Variants in ALB observed in about 807,000 individuals in gnomAD.
ALB encodes the protein albumin.
A neutral mutation model predicts 74.5 loss-of-function variants in ALB; 37 were observed. The observed-to-expected ratio is 0.50, with a 90% CI of 0.38 to 0.65. The LOEUF is 0.65. Ranked by LOEUF, ALB falls within the 30% of genes least tolerant of loss-of-function variation. The pLI is 0.00. For missense variants in ALB, 685 were observed against 718.7 expected (o/e 0.95, Z 0.54); for synonymous variants, 249 against 251.6 (o/e 0.99, Z 0.10).
At chr4:73,406,595 A>T (rs1250149024) in intron 2 of ALB, 34 bp from the exon 3 acceptor site, 3 of 1,610,512 alleles carry the variant, frequency 1.9e-6, no homozygotes, top group Non-Finnish European at 2.5e-6. Flanking sequence ...TTAAAGTTTT[A>T]TTATACTACA....
In ALB at chr4:73,412,064, A is replaced by C; in HGVS notation, c.782A>C (p.Asp261Ala). Residue 261 changes from aspartate (D) to alanine (A), a missense_variant, in exon 7 of 15, where the codon GAT (aspartate) becomes GCT (alanine). Transcript: ENST00000295897. ...GCAGAAGTTTCCAAGTTAGTGACAG[A>C]TCTTACCAAAGTCCACACGGAATGC... ...EFAEVSKLVT[D>A]LTKVHTECCH... 1 of 1,614,166 alleles carries C rather than the reference A, an allele frequency of 6.2e-7. No homozygotes were observed. Among genetic ancestry groups the C allele is most frequent in the South Asian group, 1.1e-5 (1 of 91,086 alleles).
intron 2 of ALB, 54 bp from the exon 3 acceptor site, chr4:73,406,575 C>T (rs1718734807): frequency 6.4e-7 from 1 of 1,567,834 alleles, no homozygotes; most frequent in Non-Finnish European, 8.8e-7. Flanking sequence ...GCGTAGCAAC[C>T]TGTTACATAT....
At chr4:73,418,692 G>A (rs1224882928) in intron 12 of ALB, among the ~76,000 whole-genome samples, 1 of 152,128 alleles carries the variant, frequency 6.6e-6, no homozygotes, top group Non-Finnish European at 1.5e-5. Flanking sequence ...CCCTATGGTG[G>A]CCCCACACAT....
intron 3 of ALB, among the ~76,000 whole-genome samples, chr4:73,407,007 G>T (rs1718746925): frequency 6.6e-6 from 1 of 151,994 alleles, no homozygotes; most frequent in South Asian, 2.1e-4. Flanking sequence ...TATTTAAATG[G>T]CAATTTGTCA....
chr4:73,420,169 T>A, intron 13 of ALB, 85 bp from the exon 14 acceptor site: 1 of 1,222,304 alleles, frequency 8.2e-7, no homozygotes, highest in Non-Finnish European at 1.2e-6. Context: ...CACTTTGCAA[T>A]CATCAATAGC....
At position 73,420,249 on chromosome 4, in the gene ALB, T is replaced by A; in HGVS notation, c.1786-5T>A. 1 of 1,612,056 alleles carries A rather than the reference T, an allele frequency of 6.2e-7. No individual in the cohort carries two copies. ...TCCTAACATCTGTCATGTCTTTGTGTTCAGGGTAAAAAACTTGTTGCTGCA... is the reference window on the plus strand; with the variant it reads ...TCCTAACATCTGTCATGTCTTTGTGATCAGGGTAAAAAACTTGTTGCTGCA... On this transcript the variant is annotated splice_polypyrimidine_tract_variant and splice_region_variant and intron_variant, in intron 13 of 14. Coordinates refer to ENST00000295897, the MANE Select transcript of ALB (RefSeq NM_000477.7).
At chr4:73,413,735 G>C (rs1718940051) in intron 8 of ALB, 101 bp downstream of exon 8, 3 of 1,159,014 alleles carry the variant, frequency 2.6e-6, no homozygotes, top group Middle Eastern at 2.2e-4. Context: ...TTTCCCTGCT[G>C]CCCAGAATGT....
chr4:73,419,514 G>A lies in ALB; in HGVS notation c.1660G>A (p.Val554Ile). Residue 554 changes from valine (V) to isoleucine (I), a missense_variant, in exon 13 of 15, where the codon GTT (valine) becomes ATT (isoleucine). Transcript: ENST00000295897. The part of the protein sequence containing the change: ...ERQIKKQTAL[V>I]ELVKHKPKAT... ...TTTTCCATTCAAACTCAGTGCACTT[G>A]TTGAGCTCGTGAAACACAAGCCCAA... 6.2e-7 allele frequency: 1 copy of A among 1,609,854 alleles called. No homozygotes were observed. Among genetic ancestry groups the A allele is most frequent in the Non-Finnish European group, 8.5e-7 (1 of 1,178,604 alleles).
intron 11 of ALB, 44 bp from the exon 12 acceptor site, chr4:73,418,044 A>C (rs372775203): frequency 1.8e-5 from 28 of 1,591,076 alleles, no homozygotes; most frequent in Non-Finnish European, 2.3e-5. Context: ...GAAAATTTTC[A>C]GCTTCACCTC....
chr4:73,411,649 G>A (rs573387988), intron 6 of ALB, among the ~76,000 whole-genome samples: 1 of 152,178 alleles, frequency 6.6e-6, no homozygotes, highest in Non-Finnish European at 1.5e-5. Context: ...GAGAGGCTGA[G>A]CCCTCTGCTA....
At chr4:73,418,427 G>T (rs1719072270) in intron 12 of ALB, 116 bp downstream of exon 12, 1 of 913,894 alleles carries the variant, frequency 1.1e-6, no homozygotes, top group South Asian at 1.4e-5. Context: ...AAGTATTGGA[G>T]TGTTGCCCTT....
At position 73,418,148 on chromosome 4, in the gene ALB, G is replaced by A; in HGVS notation, c.1489G>A (p.Val497Ile). Reference sequence around the variant, plus strand: ...TGAGAAAACGCCAGTAAGTGACAGAGTCACCAAATGCTGCACAGAATCCTT... The same window carrying A: ...TGAGAAAACGCCAGTAAGTGACAGAATCACCAAATGCTGCACAGAATCCTT... ...LHEKTPVSDRVTKCCTESLVN... is the reference protein window; with the variant it reads ...LHEKTPVSDRITKCCTESLVN... Residue 497 changes from valine (V) to isoleucine (I), a missense_variant, in exon 12 of 15, where the codon GTC (valine) becomes ATC (isoleucine). Val to Ile is a conservative substitution (Grantham distance 29, BLOSUM62 3). Coordinates refer to ENST00000295897, the MANE Select transcript of ALB (RefSeq NM_000477.7). 6.2e-7 allele frequency: 1 copy of A among 1,614,174 alleles called. No individual in the cohort carries two copies. The highest frequency in any genetic ancestry group is 8.5e-7 in the Non-Finnish European group (1 of 1,180,040).
intron 1 of ALB, 163 bp from the exon 2 acceptor site, chr4:73,404,953 G>T (rs773439303): frequency 1.5e-6 from 1 of 662,382 alleles, no homozygotes; most frequent in Non-Finnish European, 2.7e-6. Context: ...AAAGGCAGAA[G>T]AAATAATTGA....
intron 9 of ALB, chr4:73,415,452 A>G: frequency 2.8e-6 from 1 of 359,122 alleles, no homozygotes; most frequent in Non-Finnish European, 5.1e-6. Context: ...TTAAATTTAA[A>G]TGTTAATTAG....
rs200736287 is a variant in ALB at position 73,406,739 on chromosome 4, C to G, written c.248C>G (p.Ala83Gly). ...AAAACATGTGTTGCTGATGAGTCAG[C>G]TGAAAATTGTGACAAATCACTTGTA... Reference protein sequence around the residue: ...FAKTCVADESAENCDKSLHTL... With the variant: ...FAKTCVADESGENCDKSLHTL... Residue 83 changes from alanine (A) to glycine (G), a missense_variant, in exon 3 of 15, where the codon GCT (alanine) becomes GGT (glycine). By Grantham distance (60) the Ala-to-Gly change is moderately conservative (BLOSUM62 0). Transcript: ENST00000295897. 20 of 1,613,734 alleles carry G rather than the reference C, an allele frequency of 1.2e-5. No individual in the cohort carries two copies. Among genetic ancestry groups the G allele is most frequent in the Admixed American group, 5.0e-5 (3 of 60,014 alleles).
At position 73,419,618 on chromosome 4, in the gene ALB, G is replaced by A. The variant is rs1335413342; in HGVS notation, c.1764G>A (p.Lys588=). Reference sequence around the variant, plus strand: ...AGAAGTGCTGCAAGGCTGACGATAAGGAGACCTGCTTTGCCGAGGAGGTAC... The same window carrying A: ...AGAAGTGCTGCAAGGCTGACGATAAAGAGACCTGCTTTGCCGAGGAGGTAC... The part of the protein sequence containing the change: ...FVEKCCKADD[K]ETCFAEEGKK... The change falls in exon 13 of 15, where the codon AAG becomes AAA. Residue 588 remains lysine (K), a synonymous_variant. Coordinates refer to ENST00000295897, the MANE Select transcript of ALB (RefSeq NM_000477.7). 1.2e-6 allele frequency: 2 copies of A among 1,613,994 alleles called. No individual in the cohort carries two copies. The highest frequency in any genetic ancestry group is 1.1e-5 in the South Asian group (1 of 91,082).
At chr4:73,405,284 C>T (rs944407029) in intron 2 of ALB, 111 bp downstream of exon 2, 27 of 923,454 alleles carry the variant, frequency 2.9e-5, no homozygotes, top group Non-Finnish European at 4.5e-5. Context: ...AACAGTGCTG[C>T]CTCGTAGAGT....
Position 73,413,493 on chromosome 4 carries a change from C to G in ALB, c.917C>G (p.Pro306Arg). Residue 306 changes from proline to arginine, a missense_variant, in exon 8 of 15, where the codon CCT (proline) becomes CGT (arginine). By Grantham distance (103) the Pro-to-Arg change is moderately radical. Transcript: ENST00000295897. ...AAACTGAAGGAATGCTGTGAAAAAC[C>G]TCTGTTGGAAAAATCCCACTGCATT... Reference protein sequence around the residue: ...SSKLKECCEKPLLEKSHCIAE... With the variant: ...SSKLKECCEKRLLEKSHCIAE... 1 of 1,614,094 alleles carries G rather than the reference C, an allele frequency of 6.2e-7. No individual in the cohort carries two copies. Among genetic ancestry groups the G allele is most frequent in the Non-Finnish European group, 8.5e-7 (1 of 1,180,012 alleles).
intron 2 of ALB, among the ~76,000 whole-genome samples, chr4:73,405,792 G>A (rs965735845): frequency 5.3e-5 from 8 of 151,932 alleles, no homozygotes; most frequent in Non-Finnish European, 8.8e-5. Context: ...GGGTTTCACC[G>A]TGTGCCAGGA....
Sources: allele counts gnomAD v4.1 joint callset (sites outside exome capture counted in the v4.1 genomes callset), GRCh38; gene constraint gnomAD v4.1.1; transcripts MANE v1.5; gene names NCBI Gene and HGNC (gene_info 2026-07-23, HGNC 2026-07-21).